Variants in ARHGAP15 observed in about 807,000 individuals in gnomAD.
The protein encoded by ARHGAP15 is rho GTPase-activating protein 15.
Under a neutral mutation model 63.7 loss-of-function variants are expected in ARHGAP15, and 51 were observed. That is an observed-to-expected ratio of 0.80 (90% CI 0.64 to 1.01). ARHGAP15 has a LOEUF of 1.01. Among genes scored for constraint, ARHGAP15 ranks in the 50% least tolerant of loss-of-function variants. The probability of loss-of-function intolerance (pLI) is 0.00; values close to 1 mark genes in which losing one functional copy is unlikely to be tolerated. For synonymous variants in ARHGAP15, 191 were observed against 193.8 expected (o/e 0.99, Z 0.12); for missense variants, 560 against 564.6 (o/e 0.99, Z 0.08).
In ARHGAP15 at chr2:143,284,940, C is replaced by A. The variant is rs1317016103; in HGVS notation, c.474+34340C>A. Among the ~76,000 whole-genome samples the A allele has an allele frequency of 8.5e-5, 13 of 152,140 alleles. No individual in the cohort carries two copies. The East Asian group carries it at 2.5e-3, about 29-fold the overall frequency. On this transcript the variant is annotated intron_variant, in intron 6 of 13. Transcript: ENST00000295095. ...TACTTTGTTCTGTTTTTTTGAAAGA[C>A]AATGTACATTTGGGTTTTACATAAC...
intron 12 of ARHGAP15, among the ~76,000 whole-genome samples, chr2:143,675,912 A>G (rs1459659122): frequency 6.6e-6 from 1 of 152,216 alleles, no homozygotes; most frequent in Non-Finnish European, 1.5e-5. Context: ...TTGTCTAGCT[A>G]TGAGAGTTCT....
intron 6 of ARHGAP15, among the ~76,000 whole-genome samples, chr2:143,383,053 G>A (rs1390115402): frequency 3.9e-5 from 6 of 152,088 alleles, no homozygotes; most frequent in East Asian, 1.9e-4. Context: ...AAATTCTTAC[G>A]TAGACGTGTG....
intron 12 of ARHGAP15, among the ~76,000 whole-genome samples, chr2:143,678,132 G>T (rs2105364634): frequency 6.6e-6 from 1 of 152,220 alleles, no homozygotes; most frequent in Middle Eastern, 3.4e-3. Flanking sequence ...AATCACCTGA[G>T]CCTGGGGGGA....
At chr2:143,227,647 T>C (rs376958461) in intron 4 of ARHGAP15, among the ~76,000 whole-genome samples, 11 of 152,308 alleles carry the variant, frequency 7.2e-5, no homozygotes, top group African/African-American at 2.2e-4. Flanking sequence ...ACGTGTATTA[T>C]GGTCTGCATT....
At chr2:143,733,965 GTT>G (rs1685648379) in intron 13 of ARHGAP15, among the ~76,000 whole-genome samples, 1 of 151,906 alleles carries the variant, frequency 6.6e-6, no homozygotes, top group African/African-American at 2.4e-5. Context: ...CAAAAAATTT[GTT>G]TTAAGAAATT....
intron 9 of ARHGAP15, among the ~76,000 whole-genome samples, chr2:143,493,510 C>T (rs1692678284): frequency 1.3e-5 from 2 of 152,152 alleles, no homozygotes; most frequent in Non-Finnish European, 2.9e-5. Context: ...ATTCATTTTT[C>T]CATTTTGAAT....
At chr2:143,683,118 C>T (rs1254681427) in intron 12 of ARHGAP15, among the ~76,000 whole-genome samples, 1 of 152,074 alleles carries the variant, frequency 6.6e-6, no homozygotes, top group African/African-American at 2.4e-5. Flanking sequence ...TGATAAAAAA[C>T]AGGTTGTAAG....
intron 13 of ARHGAP15, among the ~76,000 whole-genome samples, chr2:143,705,156 T>A (rs746016783): frequency 6.6e-6 from 1 of 152,206 alleles, no homozygotes; most frequent in Non-Finnish European, 1.5e-5. Context: ...GTATACACAG[T>A]CCATAACTTG....
chr2:143,229,611 A>G (rs933428423), intron 5 of ARHGAP15, among the ~76,000 whole-genome samples: 20 of 152,178 alleles, frequency 1.3e-4, no homozygotes, highest in Non-Finnish European at 2.4e-4. Context: ...CTAACCTGCC[A>G]CAGCCCATCG....
intron 12 of ARHGAP15, among the ~76,000 whole-genome samples, chr2:143,637,332 G>T (rs1477362942): frequency 6.6e-6 from 1 of 151,792 alleles, no homozygotes; most frequent in Non-Finnish European, 1.5e-5. Flanking sequence ...ATACTATTGG[G>T]ATCCAAAATT....
chr2:143,695,952 G>C (rs994465791), intron 12 of ARHGAP15, among the ~76,000 whole-genome samples: 1 of 151,804 alleles, frequency 6.6e-6, no homozygotes, highest in East Asian at 1.9e-4. Context: ...TCATAACATA[G>C]ATAGATACAG....
intron 1 of ARHGAP15, among the ~76,000 whole-genome samples, chr2:143,139,366 C>T (rs1558769170): frequency 1.3e-5 from 2 of 152,030 alleles, no homozygotes; most frequent in Admixed American, 6.6e-5. Context: ...CCTTTCTTTC[C>T]GTTTGCACGT....
intron 6 of ARHGAP15, among the ~76,000 whole-genome samples, chr2:143,362,219 A>C (rs1407154092): frequency 6.6e-6 from 1 of 152,194 alleles, no homozygotes; most frequent in African/African-American, 2.4e-5. Flanking sequence ...ACATCAGCGT[A>C]AAATTGTCTG....
At chr2:143,423,129 A>G (rs1380217067) in intron 6 of ARHGAP15, among the ~76,000 whole-genome samples, 1 of 152,150 alleles carries the variant, frequency 6.6e-6, no homozygotes, top group Non-Finnish European at 1.5e-5. Flanking sequence ...TGGAAGAGGT[A>G]TTCTTCTTAC....
At chr2:143,332,017 T>C (rs968166149) in intron 6 of ARHGAP15, among the ~76,000 whole-genome samples, 2 of 152,174 alleles carry the variant, frequency 1.3e-5, no homozygotes, top group African/African-American at 4.8e-5. Flanking sequence ...TTTCATGTGG[T>C]ACCTGCCACA....
At chr2:143,259,545 T>G (rs1680608296) in intron 6 of ARHGAP15, among the ~76,000 whole-genome samples, 1 of 152,192 alleles carries the variant, frequency 6.6e-6, no homozygotes, top group African/African-American at 2.4e-5. Context: ...TGCTGCATTA[T>G]TCATAAAAGC....
chr2:143,457,892 T>C (rs1478777983), intron 8 of ARHGAP15, among the ~76,000 whole-genome samples: 2 of 151,860 alleles, frequency 1.3e-5, no homozygotes, highest in Non-Finnish European at 2.9e-5. Flanking sequence ...TTAAATGTTT[T>C]TAATATTAAA....
intron 5 of ARHGAP15, among the ~76,000 whole-genome samples, chr2:143,231,444 G>C (rs1005395706): frequency 1.3e-5 from 2 of 152,166 alleles, no homozygotes; most frequent in Admixed American, 6.5e-5. Context: ...TGCTGTCTCA[G>C]AGCAATGACT....
At chr2:143,520,445 G>C (rs1448953098) in intron 10 of ARHGAP15, among the ~76,000 whole-genome samples, 1 of 152,098 alleles carries the variant, frequency 6.6e-6, no homozygotes. Context: ...ACAAGAAGGG[G>C]AAGAGTGGGT....
Sources: allele counts gnomAD v4.1 joint callset (sites outside exome capture counted in the v4.1 genomes callset), GRCh38; gene constraint gnomAD v4.1.1; transcripts MANE v1.5; gene names NCBI Gene and HGNC (gene_info 2026-07-23, HGNC 2026-07-21).